The following AKR7A2 variants were observed in gnomAD, a reference collection of about 807,000 sequenced individuals.
The protein encoded by AKR7A2 is aldo-keto reductase family 7 member A2.
A neutral mutation model predicts 37.3 loss-of-function variants in AKR7A2; 29 were observed. The ratio of observed to expected loss-of-function variants is 0.78; its 90% CI spans 0.58 to 1.06. The LOEUF is 1.06. Ranked by LOEUF, AKR7A2 falls within the 50% of genes least tolerant of loss-of-function variation. The pLI is 0.00. For synonymous variants in AKR7A2, 228 were observed against 217.8 expected (o/e 1.05, Z -0.41); for missense variants, 529 against 497.9 (o/e 1.06, Z -0.59).
Position 19,308,590 on chromosome 1 carries a change from G to T in AKR7A2, c.351C>A (p.Asp117Glu). 1 of 1,614,198 alleles carries T rather than the reference G, an allele frequency of 6.2e-7. No individual in the cohort carries two copies. Among genetic ancestry groups the T allele is most frequent in the South Asian group, 1.1e-5 (1 of 91,084 alleles). The change falls in exon 2 of 7, where the codon GAC (aspartate) becomes GAA (glutamate). Residue 117 changes from aspartate (D) to glutamate (E), a missense_variant. By Grantham distance (45) the Asp-to-Glu change is conservative. Transcript: ENST00000235835. Reference sequence around the variant, plus strand: ...ACGTCTCCAGCTGGGACCGGACACTGTCAGGCTTTAGTGATTTTCCATCCC... The same window carrying T: ...ACGTCTCCAGCTGGGACCGGACACTTTCAGGCTTTAGTGATTTTCCATCCC... ...NPWDGKSLKP[D>E]SVRSQLETSL...
Position 19,311,878 on chromosome 1 carries a change from C to T in AKR7A2, c.247G>A (p.Glu83Lys). Residue 83 changes from glutamate (E) to lysine (K), a missense_variant, in exon 1 of 7, where the codon GAG (glutamate) becomes AAG (lysine). By Grantham distance (56) the Glu-to-Lys change is moderately conservative. Coordinates refer to ENST00000235835, the MANE Select transcript of AKR7A2 (RefSeq NM_003689.4). ...AGCCCCAGGCCGCCCAGGATGGTCT[C>T]GGACTGGCCGTCGCTGTACATGAAG... ...TAFMYSDGQS[E>K]TILGGLGLGL... 6.2e-7 allele frequency: 1 copy of T among 1,610,780 alleles called. No homozygotes were observed. Among genetic ancestry groups the T allele is most frequent in the Non-Finnish European group, 8.5e-7 (1 of 1,179,568 alleles).
intron 5 of AKR7A2, 106 bp from the exon 6 acceptor site, chr1:19,306,253 C>T: frequency 1.3e-6 from 2 of 1,511,420 alleles, no homozygotes; most frequent in Admixed American, 3.5e-5. Flanking sequence ...CACCCTGCAG[C>T]CCTGAGGGGC....
chr1:19,309,642 T>C (rs1372298079), intron 1 of AKR7A2, among the ~76,000 whole-genome samples: 1 of 152,118 alleles, frequency 6.6e-6, no homozygotes, highest in African/African-American at 2.4e-5. Flanking sequence ...TTGGTCCAGA[T>C]GTAGTGGCTC....
intron 1 of AKR7A2, among the ~76,000 whole-genome samples, chr1:19,309,418 G>A (rs745835855): frequency 1.9e-4 from 29 of 152,202 alleles, no homozygotes; most frequent in Non-Finnish European, 3.8e-4. Flanking sequence ...CCACATAAAT[G>A]TGGCCCAGTG....
At chr1:19,307,488 A>C in intron 3 of AKR7A2, 78 bp from the exon 4 acceptor site, 2 of 1,450,624 alleles carry the variant, frequency 1.4e-6, no homozygotes, top group Non-Finnish European at 1.9e-6. Flanking sequence ...CAAACCTCTA[A>C]AGCAACACCG....
rs759237815 is a variant in AKR7A2, at chr1:19,307,302, T to C, written c.688+12A>G. On this transcript the variant is annotated intron_variant, in intron 4 of 6. Coordinates refer to ENST00000235835, the MANE Select transcript of AKR7A2 (RefSeq NM_003689.4). ...GAATAGGCTGAGACAGGGTCAGGAATGCTCCACGTACCAGCCAGAGGGTTG... is the reference window on the plus strand; with the variant it reads ...GAATAGGCTGAGACAGGGTCAGGAACGCTCCACGTACCAGCCAGAGGGTTG... 1 of 1,612,834 alleles carries C rather than the reference T, an allele frequency of 6.2e-7. No individual in the cohort carries two copies. The highest frequency in any genetic ancestry group is 1.1e-5 in the South Asian group (1 of 91,022).
chr1:19,304,371 C>G lies in AKR7A2; in HGVS notation c.934G>C (p.Ala312Pro). The G allele has an allele frequency of 6.2e-7, 1 of 1,614,084 alleles. No homozygotes were observed. Among genetic ancestry groups the G allele is most frequent in the Non-Finnish European group, 8.5e-7 (1 of 1,179,992 alleles). ...AGGCTGGACATGCCCAGGATGACCG[C>G]GTCCCCGTGGGCACCCTGCAAGGGA... ...HSQLQGAHGD[A>P]VILGMSSLEQ... Residue 312 changes from alanine to proline, a missense_variant, in exon 7 of 7, where the codon GCG becomes CCG. Ala to Pro is a conservative substitution (Grantham distance 27). Coordinates refer to ENST00000235835, the MANE Select transcript of AKR7A2 (RefSeq NM_003689.4).
In AKR7A2 at chr1:19,308,470, C is replaced by G. The variant is rs859208; in HGVS notation, c.471G>C (p.Gln157His). The G allele has an allele frequency of 0.018, 29,314 of 1,613,858 alleles. 3,283 individuals carry two copies. The African/African-American group carries it at 0.28, about 15-fold the overall frequency. ...GCCCCCTCACCTCCTGGTGCAGCCG[C>G]TGGCAGGCATGCAGCGTCTCTTCCA... ...TPVEETLHAC[Q>H]RLHQEGKFVE... is the part of the protein sequence containing the mutation. Residue 157 changes from glutamine (Q) to histidine (H), a missense_variant, in exon 2 of 7, where the codon CAG becomes CAC. Physicochemically the swap from Gln to His is conservative, Grantham distance 24. Coordinates refer to ENST00000235835, the MANE Select transcript of AKR7A2 (RefSeq NM_003689.4).
At chr1:19,305,918 T>C (rs2093760663) in intron 6 of AKR7A2, 100 bp downstream of exon 6, 1 of 1,598,854 alleles carries the variant, frequency 6.3e-7, no homozygotes, top group Non-Finnish European at 8.6e-7. Flanking sequence ...GAAAGAAAAA[T>C]TTCAGAGGAA....
chr1:19,308,065 T>C (rs1010838757), intron 3 of AKR7A2, 93 bp downstream of exon 3: 10 of 1,513,116 alleles, frequency 6.6e-6, no homozygotes, highest in Non-Finnish European at 9.2e-6. Flanking sequence ...GTGGCTGCTA[T>C]GCAGACGGCA....
chr1:19,309,575 C>G (rs537066931), intron 1 of AKR7A2, among the ~76,000 whole-genome samples: 1 of 152,222 alleles, frequency 6.6e-6, no homozygotes. Flanking sequence ...TGCATCCGAG[C>G]AGCTTGGAAA....
rs540931899 is a variant in AKR7A2, at chr1:19,310,289, G to A, written c.298+1538C>T. On this transcript the variant is annotated intron_variant, in intron 1 of 6. Coordinates refer to ENST00000235835, the MANE Select transcript of AKR7A2 (RefSeq NM_003689.4). ...GCCCCAGGCATTCTTGGCATGAACT[G>A]TGCCTCAGGCCTGGCCTGAGGACTT... Among the ~76,000 whole-genome samples, 12 of 152,288 alleles carry A rather than the reference G, an allele frequency of 7.9e-5. No homozygotes were observed. In the East Asian group the frequency reaches 2.3e-3, roughly 29 times the overall value.
downstream of AKR7A2, among the ~76,000 whole-genome samples, chr1:19,303,554 G>A (rs1290351177): frequency 6.6e-6 from 1 of 152,116 alleles, no homozygotes; most frequent in East Asian, 1.9e-4. Context: ...GAACCTAATG[G>A]GTGAAAAGAC....
At chr1:19,308,306 C>A in intron 2 of AKR7A2, 44 bp from the exon 3 acceptor site, 1 of 1,613,442 alleles carries the variant, frequency 6.2e-7, no homozygotes. Flanking sequence ...TAGCCCAGAC[C>A]AGGAAGGGGA....
In AKR7A2 at chr1:19,308,454, C is replaced by T. The variant is rs1476909178; in HGVS notation, c.486+1G>A. 2 of 1,613,630 alleles carry T rather than the reference C, an allele frequency of 1.2e-6. No homozygotes were observed. Among genetic ancestry groups the T allele is most frequent in the Admixed American group, 1.7e-5 (1 of 60,006 alleles). On this transcript the variant is annotated splice_donor_variant, in intron 2 of 6. Coordinates refer to ENST00000235835, the MANE Select transcript of AKR7A2 (RefSeq NM_003689.4). LOFTEE classifies it high-confidence loss of function. ...CTTTGGAGCTCGGAGGGCCCCCTCACCTCCTGGTGCAGCCGCTGGCAGGCA... is the reference window on the plus strand; with the variant it reads ...CTTTGGAGCTCGGAGGGCCCCCTCATCTCCTGGTGCAGCCGCTGGCAGGCA...
rs190445327 is a variant in AKR7A2, at chr1:19,306,081, G to A, written c.855C>T (p.Gly285=). The change falls in exon 6 of 7, where the codon GGC becomes GGT. Residue 285 remains glycine (G), a synonymous_variant. Coordinates refer to ENST00000235835, the MANE Select transcript of AKR7A2 (RefSeq NM_003689.4). ...LVEKALQAAY[G]ASAPSVTSAA... ...CCGAGGTCACACTGGGGGCGCTGGCGCCATATGCGGCCTGCAGGGCCTTCT... is the reference window on the plus strand; with the variant it reads ...CCGAGGTCACACTGGGGGCGCTGGCACCATATGCGGCCTGCAGGGCCTTCT... 51 of 1,614,176 alleles carry A rather than the reference G, an allele frequency of 3.2e-5. No homozygotes were observed. Among genetic ancestry groups the A allele is most frequent in the African/African-American group, 3.1e-4 (23 of 75,070 alleles).
At position 19,304,199 on chromosome 1, in the gene AKR7A2, C is replaced by T. The variant is rs2093756956; in HGVS notation, c.*26G>A. ...AGAACAAAAGAGGTGACAGAAAAGC[C>T]TTGGGCAGCCTGAGCCATGATGGGC... On this transcript the variant is annotated 3_prime_UTR_variant, in exon 7 of 7. Coordinates refer to ENST00000235835, the MANE Select transcript of AKR7A2 (RefSeq NM_003689.4). 6.2e-7 allele frequency: 1 copy of T among 1,614,066 alleles called. No homozygotes were observed. The highest frequency in any genetic ancestry group is 1.7e-5 in the Admixed American group (1 of 59,990).
At chr1:19,310,300 C>G (rs1430881105) in intron 1 of AKR7A2, among the ~76,000 whole-genome samples, 1 of 152,176 alleles carries the variant, frequency 6.6e-6, no homozygotes, top group East Asian at 1.9e-4. Flanking sequence ...TGCCTCAGGC[C>G]TGGCCTGAGG....
At chr1:19,308,858 C>T (rs1412867933) in intron 1 of AKR7A2, among the ~76,000 whole-genome samples, 1 of 152,196 alleles carries the variant, frequency 6.6e-6, no homozygotes, top group African/African-American at 2.4e-5. Flanking sequence ...TATCATTAGT[C>T]ACCAACCTGC....
Sources: gnomAD v4.1 joint callset for allele counts (sites outside exome capture counted in the v4.1 genomes callset) on GRCh38, gnomAD v4.1.1 for gene constraint, MANE v1.5 for transcripts, NCBI Gene and HGNC (gene_info 2026-07-23, HGNC 2026-07-21) for gene names.